The following PCNX2 variants were observed in gnomAD, a reference collection of about 807,000 sequenced individuals.
PCNX2 encodes the protein pecanex 2, also known as pecanex-like protein 2.
Under a neutral mutation model 223.8 loss-of-function variants are expected in PCNX2, and 168 were observed. The ratio of observed to expected loss-of-function variants is 0.75; its 90% CI spans 0.66 to 0.85. The LOEUF (loss-of-function observed/expected upper bound fraction) is 0.85, where lower values mean the gene tolerates loss of function less well. Among genes scored for constraint, PCNX2 ranks in the 40% least tolerant of loss-of-function variants. PCNX2 has a pLI of 0.00. For synonymous variants in PCNX2, 1,006 were observed against 1,052.6 expected, an observed-to-expected ratio of 0.96 and a Z score of 0.86; for missense variants, 2,507 against 2,675.5, an observed-to-expected ratio of 0.94 and a Z score of 1.39.
At chr1:233,200,127 A>G (rs369902858) in intron 14 of PCNX2, 27 bp downstream of exon 14, 46 of 1,488,364 alleles carry the variant, frequency 3.1e-5, no homozygotes, top group East Asian at 1.7e-4. Context: ...ATTCCTTTAC[A>G]GGAAGAATAG....
chr1:233,032,289 AC>A (rs1671296935), intron 25 of PCNX2, among the ~76,000 whole-genome samples: 1 of 151,986 alleles, frequency 6.6e-6, no homozygotes, highest in Non-Finnish European at 1.5e-5. Flanking sequence ...TTTAGTAGAG[AC>A]AGGGGTTTCT....
At chr1:233,041,125 C>T (rs1297973839) in intron 25 of PCNX2, among the ~76,000 whole-genome samples, 1 of 152,150 alleles carries the variant, frequency 6.6e-6, no homozygotes, top group African/African-American at 2.4e-5. Context: ...TCTTGACACT[C>T]ACTTGGTTCA....
chr1:233,121,115 T>C (rs1675762696), intron 21 of PCNX2, among the ~76,000 whole-genome samples: 2 of 151,360 alleles, frequency 1.3e-5, no homozygotes, highest in African/African-American at 4.8e-5. Flanking sequence ...TGTGTATCAA[T>C]ATAATAAAAT....
intron 24 of PCNX2, among the ~76,000 whole-genome samples, chr1:233,056,547 T>TA (rs1672197263): frequency 6.6e-6 from 1 of 152,178 alleles, no homozygotes; most frequent in Non-Finnish European, 1.5e-5. Flanking sequence ...CAACAAAAAA[T>TA]AAGCTTCTCT....
intron 19 of PCNX2, among the ~76,000 whole-genome samples, chr1:233,157,936 G>A (rs1410401743): frequency 6.6e-6 from 1 of 152,102 alleles, no homozygotes; most frequent in African/African-American, 2.4e-5. Context: ...CAGAGCCTCT[G>A]CCTGACACTG....
At position 233,095,789 on chromosome 1, in the gene PCNX2, C is replaced by T. The variant is rs755701169; in HGVS notation, c.3912G>A (p.Ser1304=). ...CAAAGAGCTGAGCAAACACGTGAAA[C>T]GAAGAACCCCAAGCCATCTGCCAAG... is the stretch of plus-strand genomic sequence containing the variant. ...VAPWQMAWGS[S]FHVFAQLFAI... Residue 1304 remains serine (S), a synonymous_variant, in exon 22 of 34, where the codon TCG becomes TCA. Coordinates refer to ENST00000258229, the MANE Select transcript of PCNX2 (RefSeq NM_014801.4). 2.8e-5 allele frequency: 45 copies of T among 1,611,362 alleles called. No homozygotes were observed. Among genetic ancestry groups the T allele is most frequent in the East Asian group, 4.5e-5 (2 of 44,814 alleles).
At chr1:233,108,620 C>T (rs531747411) in intron 21 of PCNX2, among the ~76,000 whole-genome samples, 1 of 152,338 alleles carries the variant, frequency 6.6e-6, no homozygotes, top group South Asian at 2.1e-4. Flanking sequence ...ACGGCTCAGC[C>T]GGGCCCTTCT....
chr1:233,265,055 T>G lies in PCNX2; in HGVS notation c.154-1892A>C, dbSNP rs145853916. On this transcript the variant is annotated intron_variant, in intron 1 of 33. Transcript: ENST00000258229. ...GAGTTCAAGAGCAGCCTGGGCAACA[T>G]AGTGAGACCCCCCCTCCGATCTCTA... Among the ~76,000 whole-genome samples, 19 of 151,654 alleles carry G rather than the reference T, an allele frequency of 1.3e-4. No individual in the cohort carries two copies. The East Asian group carries it at 1.9e-3, about 16-fold the overall frequency.
chr1:233,140,172 A>G (rs1372721399), intron 19 of PCNX2, among the ~76,000 whole-genome samples: 1 of 149,768 alleles, frequency 6.7e-6, no homozygotes, highest in East Asian at 2.0e-4. Flanking sequence ...TAGCGTAGTA[A>G]GGGTGGAAGG....
chr1:233,004,090 C>T (rs953595051), intron 28 of PCNX2, among the ~76,000 whole-genome samples: 3 of 151,092 alleles, frequency 2.0e-5, no homozygotes, highest in Non-Finnish European at 2.9e-5. Context: ...CACCATGGTA[C>T]GTGTATACCT....
chr1:232,998,955 G>C, intron 31 of PCNX2, 150 bp downstream of exon 31: 2 of 804,878 alleles, frequency 2.5e-6, no homozygotes, highest in South Asian at 4.1e-5. Context: ...TGAAACAAAT[G>C]ATCTGTTCGA....
chr1:233,288,516 T>C (rs1661568920), intron 1 of PCNX2, among the ~76,000 whole-genome samples: 1 of 151,994 alleles, frequency 6.6e-6, no homozygotes, highest in South Asian at 2.1e-4. Flanking sequence ...CCGACATGCA[T>C]GTATCTAATG....
chr1:233,033,112 A>G (rs1671328120), intron 25 of PCNX2: 1 of 985,296 alleles, frequency 1.0e-6, no homozygotes, highest in African/African-American at 1.7e-5. Context: ...ATGAATGTCA[A>G]GCTGGCAAGG....
At chr1:233,303,653 T>C in the PCNX2 span, among the ~76,000 whole-genome samples, 1 of 89,572 alleles carries the variant, frequency 1.1e-5, no homozygotes, top group African/African-American at 3.2e-5. Flanking sequence ...GAATTTTTTT[T>C]TATTATACTT....
At chr1:233,152,692 A>T (rs1677888681) in intron 19 of PCNX2, among the ~76,000 whole-genome samples, 1 of 152,216 alleles carries the variant, frequency 6.6e-6, no homozygotes, top group African/African-American at 2.4e-5. Flanking sequence ...TATGACATGT[A>T]CATCCAGATT....
At chr1:233,037,596 A>G (rs1671500316) in intron 25 of PCNX2, among the ~76,000 whole-genome samples, 1 of 151,946 alleles carries the variant, frequency 6.6e-6, no homozygotes, top group Non-Finnish European at 1.5e-5. Flanking sequence ...TCCTCCCGGG[A>G]TTACAGACAT....
intron 17 of PCNX2, among the ~76,000 whole-genome samples, chr1:233,169,218 A>G (rs1033240053): frequency 1.3e-5 from 2 of 152,072 alleles, no homozygotes; most frequent in Non-Finnish European, 2.9e-5. Context: ...ATGTTCTTAA[A>G]TCTAACTCGG....
chr1:233,169,820 G>A (rs776243846), intron 17 of PCNX2, among the ~76,000 whole-genome samples: 5 of 149,562 alleles, frequency 3.3e-5, no homozygotes, highest in African/African-American at 7.4e-5. Context: ...TCCTTCTCTC[G>A]CCTTCTGGAG....
chr1:233,310,395 C>A, the PCNX2 span, among the ~76,000 whole-genome samples: 1 of 152,108 alleles, frequency 6.6e-6, no homozygotes, highest in Admixed American at 6.5e-5. Flanking sequence ...AATATACAGA[C>A]CCAAATAATT....
Sources: gnomAD v4.1 joint callset for allele counts (sites outside exome capture counted in the v4.1 genomes callset) on GRCh38, gnomAD v4.1.1 for gene constraint, MANE v1.5 for transcripts, NCBI Gene and HGNC (gene_info 2026-07-23, HGNC 2026-07-21) for gene names.